UBR2: variants seen among roughly 807,000 people sequenced by gnomAD.
UBR2 encodes the protein ubiquitin protein ligase E3 component n-recognin 2.
Under a neutral mutation model 247.9 loss-of-function variants are expected in UBR2, and 92 were observed. The observed-to-expected ratio is 0.37, with a 90% CI of 0.31 to 0.44. UBR2 has a LOEUF of 0.44. UBR2 is among the 20% of genes least tolerant of loss of function. The pLI is 1.00. For missense variants in UBR2, 1,613 were observed against 2,112.6 expected, an observed-to-expected ratio of 0.76 and a Z score of 4.64; for synonymous variants, 672 against 693.5, an observed-to-expected ratio of 0.97 and a Z score of 0.49.
intron 4 of UBR2, among the ~76,000 whole-genome samples, chr6:42,596,284 G>A (rs1000938730): frequency 6.6e-6 from 1 of 151,326 alleles, no homozygotes; most frequent in African/African-American, 2.4e-5. Flanking sequence ...TTAGGGAAAT[G>A]CAAAATCAAA....
chr6:42,616,656 G>A (rs1477144603), intron 10 of UBR2, among the ~76,000 whole-genome samples: 3 of 150,750 alleles, frequency 2.0e-5, no homozygotes, highest in Non-Finnish European at 4.4e-5. Context: ...AAGAAACAAG[G>A]TCTCTTCAGA....
At chr6:42,618,843 G>C (rs1794722070) in intron 11 of UBR2, among the ~76,000 whole-genome samples, 1 of 152,218 alleles carries the variant, frequency 6.6e-6, no homozygotes, top group African/African-American at 2.4e-5. Context: ...TTTGAGGGTT[G>C]TTGGACTTGC....
At position 42,660,996 on chromosome 6, in the gene UBR2, T is replaced by TAAA. The variant is rs11449013; in HGVS notation, c.3442+1154_3442+1156dup. ...TTTTGTTTGTTTGTTTGTTTGTTTT[T>TAAA]AAAAAAAAAAAAAAAGGCCAGGCGC... On this transcript the variant is annotated intron_variant, in intron 30 of 46. Coordinates refer to ENST00000372901, the MANE Select transcript of UBR2 (RefSeq NM_001363705.2). Among the ~76,000 whole-genome samples the TAAA allele has an allele frequency of 7.2e-5, 10 of 139,356 alleles. No homozygotes were observed. The South Asian group carries it at 2.3e-3, about 32-fold the overall frequency. The allele number at this position is 139,356 out of a possible 152,430, so 91.4% of individuals were successfully genotyped here.
At chr6:42,619,455 T>TA (rs56125360) in intron 11 of UBR2, 140 of 36,188 alleles carry the variant, frequency 3.9e-3, no homozygotes, top group South Asian at 4.7e-3. Context: ...ATATATATAT[T>TA]TTTTTTTTTT....
chr6:42,631,860 TTATATA>T (rs59218885), intron 11 of UBR2, among the ~76,000 whole-genome samples: 1,610 of 61,498 alleles, frequency 0.026, 71 homozygotes, highest in African/African-American at 0.075. Context: ...TACTCTGATT[TTATATA>T]TATATATATA....
chr6:42,670,388 C>A, intron 35 of UBR2, 148 bp downstream of exon 35: 1 of 1,056,070 alleles, frequency 9.5e-7, no homozygotes, highest in Non-Finnish European at 1.3e-6. Flanking sequence ...ATGTAATGTA[C>A]TGACAAAATA....
chr6:42,598,288 A>G (rs1793129938), intron 4 of UBR2, among the ~76,000 whole-genome samples: 1 of 152,242 alleles, frequency 6.6e-6, no homozygotes, highest in Non-Finnish European at 1.5e-5. Context: ...TTTAGTGTCC[A>G]TAAATAAAAT....
At chr6:42,610,895 G>T (rs1442276943) in intron 7 of UBR2, among the ~76,000 whole-genome samples, 2 of 150,858 alleles carry the variant, frequency 1.3e-5, no homozygotes, top group Non-Finnish European at 3.0e-5. Flanking sequence ...GCTCAGGTTG[G>T]AGTGCAATGG....
Position 42,659,229 on chromosome 6 carries a change from C to T in UBR2, c.3242+405C>T, listed in dbSNP as rs1229542392. On this transcript the variant is annotated intron_variant, in intron 29 of 46. Coordinates refer to ENST00000372901, the MANE Select transcript of UBR2 (RefSeq NM_001363705.2). The surrounding 1 kb of genome is among the most constrained non-coding windows in gnomAD (Gnocchi z 4.3). ...ATACATTCCTGGCTGTGCGTGGTGG[C>T]TCACGCCTGTAATCCCAGCACTTCG... Among the ~76,000 whole-genome samples the T allele has an allele frequency of 2.0e-5, 3 of 152,126 alleles. No individual in the cohort carries two copies. The highest frequency in any genetic ancestry group is 4.4e-5 in the Non-Finnish European group (3 of 68,038).
At chr6:42,643,279 C>G (rs559268305) in intron 18 of UBR2, among the ~76,000 whole-genome samples, 5 of 152,176 alleles carry the variant, frequency 3.3e-5, no homozygotes, top group African/African-American at 1.2e-4. Context: ...TCTGATACTG[C>G]TGAATGGATT....
intron 3 of UBR2, among the ~76,000 whole-genome samples, chr6:42,592,649 T>C (rs562207623): frequency 6.6e-6 from 1 of 152,288 alleles, no homozygotes; most frequent in South Asian, 2.1e-4. Context: ...GGGACACAGA[T>C]AAATACAGAT....
At chr6:42,688,031 C>A (rs1799543526) in intron 44 of UBR2, among the ~76,000 whole-genome samples, 185 bp from the exon 45 acceptor site, 1 of 151,622 alleles carries the variant, frequency 6.6e-6, no homozygotes, top group Admixed American at 6.6e-5. Context: ...AGTACATGGT[C>A]TTTGTATATA....
At chr6:42,633,181 G>GTTGTTGTTGTTT (rs1795868381) in intron 13 of UBR2, among the ~76,000 whole-genome samples, 1 of 151,340 alleles carries the variant, frequency 6.6e-6, no homozygotes, top group African/African-American at 2.4e-5. Context: ...TGTTGTTGTT[G>GTTGTTGTTGTTT]TTGTTGTTGT....
In UBR2 at chr6:42,612,264, T is replaced by C. The variant is rs749909917; in HGVS notation, c.958T>C (p.Trp320Arg). ...GAATTTTGGTTTGAAACTTTTGTCT[T>C]GGCTGGGAAGTATTATTGGATATTC... ...HQNFGLKLLSWLGSIIGYSDG... is the reference protein window; with the variant it reads ...HQNFGLKLLSRLGSIIGYSDG... Residue 320 changes from tryptophan (W) to arginine (R), a missense_variant, in exon 8 of 47, where the codon TGG (tryptophan) becomes CGG (arginine). Around this residue, in one of 3 missense-constraint regions of UBR2, gnomAD observed 1,524 missense variants for 1,967.3 expected, o/e 0.77. Coordinates refer to ENST00000372901, the MANE Select transcript of UBR2 (RefSeq NM_001363705.2). 1.3e-6 allele frequency: 2 copies of C among 1,534,146 alleles called. No homozygotes were observed. Among genetic ancestry groups the C allele is most frequent in the Admixed American group, 3.4e-5 (2 of 59,180 alleles).
chr6:42,575,328 A>G (rs1356282660), intron 2 of UBR2, among the ~76,000 whole-genome samples: 3 of 152,192 alleles, frequency 2.0e-5, no homozygotes, highest in Non-Finnish European at 4.4e-5. Flanking sequence ...AACAGTATAT[A>G]TATTGAAAAA....
At chr6:42,666,868 C>G (rs1024545306) in intron 34 of UBR2, among the ~76,000 whole-genome samples, 4 of 152,154 alleles carry the variant, frequency 2.6e-5, no homozygotes, top group Non-Finnish European at 4.4e-5. Flanking sequence ...GTTCCCAGCA[C>G]CACCACTTAT....
chr6:42,630,133 C>CAGTAGTAGTAGT (rs79492372), intron 11 of UBR2, among the ~76,000 whole-genome samples: 7 of 148,948 alleles, frequency 4.7e-5, no homozygotes, highest in Non-Finnish European at 8.9e-5. Flanking sequence ...GTAGCAGTAG[C>CAGTAGTAGTAGT]AGTAGTAGTA....
At chr6:42,633,777 C>T (rs1398417587) in intron 13 of UBR2, among the ~76,000 whole-genome samples, 1 of 152,116 alleles carries the variant, frequency 6.6e-6, no homozygotes, top group Non-Finnish European at 1.5e-5. Flanking sequence ...GTTGCCCAGG[C>T]TGGAGTACAA....
chr6:42,589,305 C>T (rs1792505305), intron 2 of UBR2, among the ~76,000 whole-genome samples: 1 of 152,160 alleles, frequency 6.6e-6, no homozygotes, highest in Admixed American at 6.6e-5. Context: ...TCTTCTTTAG[C>T]CTGTTAATGT....
Sources: allele counts gnomAD v4.1 joint callset (sites outside exome capture counted in the v4.1 genomes callset), GRCh38; gene constraint gnomAD v4.1.1; regional missense constraint gnomAD v4.1.1; non-coding constraint Gnocchi (gnomAD v3.1); transcripts MANE v1.5; gene names NCBI Gene and HGNC (gene_info 2026-07-23, HGNC 2026-07-21).